CFAP54: variants seen among roughly 807,000 people sequenced by gnomAD.
The protein encoded by CFAP54 is cilia- and flagella-associated protein 54.
In CFAP54, 290 loss-of-function variants were observed where a neutral mutation model predicts 370.4. The observed-to-expected ratio is 0.78, with a 90% CI of 0.71 to 0.86. CFAP54 has a LOEUF of 0.86. Among genes scored for constraint, CFAP54 ranks in the 40% least tolerant of loss-of-function variants. The pLI is 0.00. For missense variants in CFAP54, 3,399 were observed against 3,528.7 expected (o/e 0.96, Z 0.93); for synonymous variants, 1,206 against 1,236.5 (o/e 0.98, Z 0.52).
chr12:96,639,680 A>G (rs936505660), intron 32 of CFAP54, among the ~76,000 whole-genome samples: 8 of 152,342 alleles, frequency 5.3e-5, no homozygotes, highest in Admixed American at 3.9e-4. Context: ...AAAATCCTCA[A>G]TAAAATACTG....
intron 14 of CFAP54, among the ~76,000 whole-genome samples, chr12:96,543,100 T>C (rs1217427839): frequency 6.6e-6 from 1 of 152,216 alleles, no homozygotes; most frequent in Admixed American, 6.5e-5. Context: ...GCAACAGTAC[T>C]TCATAGGTAG....
rs1374148829 is a variant in CFAP54, at chr12:96,846,781, A to G, written c.9172-14038A>G. ...GTGCAGACTGGGTGCCAAGGAGGGAAAGGCACCAGTGACCCCAAAGGTATT... is the reference window on the plus strand; with the variant it reads ...GTGCAGACTGGGTGCCAAGGAGGGAGAGGCACCAGTGACCCCAAAGGTATT... On this transcript the variant is annotated intron_variant, in intron 66 of 67. Coordinates refer to ENST00000524981, the MANE Select transcript of CFAP54 (RefSeq NM_001306084.2). Among the ~76,000 whole-genome samples the G allele has an allele frequency of 2.6e-5, 4 of 152,138 alleles. No homozygotes were observed. The East Asian group carries it at 7.7e-4, about 29-fold the overall frequency.
At chr12:96,847,071 C>T (rs984674364) in intron 66 of CFAP54, among the ~76,000 whole-genome samples, 12 of 152,104 alleles carry the variant, frequency 7.9e-5, no homozygotes, top group African/African-American at 2.9e-4. Flanking sequence ...TAGGAGTTGC[C>T]AGGACCCTCC....
chr12:96,529,188 G>T (rs988351319), intron 9 of CFAP54, among the ~76,000 whole-genome samples: 1 of 152,104 alleles, frequency 6.6e-6, no homozygotes, highest in East Asian at 1.9e-4. Context: ...ACCAGCTTTG[G>T]TAAATAGTCT....
At chr12:96,840,798 C>G (rs1241213261) in intron 66 of CFAP54, among the ~76,000 whole-genome samples, 1 of 152,030 alleles carries the variant, frequency 6.6e-6, no homozygotes, top group African/African-American at 2.4e-5. Context: ...GAAGACAATG[C>G]CAGATGACAT....
chr12:96,771,649 C>T (rs1958463990), intron 60 of CFAP54, among the ~76,000 whole-genome samples: 1 of 151,956 alleles, frequency 6.6e-6, no homozygotes, highest in Non-Finnish European at 1.5e-5. Flanking sequence ...GAGACTCCGC[C>T]TCAAAAACAA....
chr12:96,535,455 T>G, intron 11 of CFAP54, 60 bp from the exon 12 acceptor site: 1 of 1,107,582 alleles, frequency 9.0e-7, no homozygotes, highest in Non-Finnish European at 1.3e-6. Flanking sequence ...CTGTGCCTTT[T>G]CTATTTGAAA....
At position 96,512,301 on chromosome 12, in the gene CFAP54, T is replaced by TTATATATATATATA. The variant is rs1165045194; in HGVS notation, c.740-649_740-636dup. Reference sequence around the variant, plus strand: ...GATAAGGAAACCATGGGAACCAATTTTATATATATATATATATATATATAT... The same window carrying TTATATATATATATA: ...GATAAGGAAACCATGGGAACCAATTTTATATATATATATATATATATATATATATATATATATAT... On this transcript the variant is annotated intron_variant, in intron 4 of 67. Transcript: ENST00000524981. Among the ~76,000 whole-genome samples the TTATATATATATATA allele has an allele frequency of 6.8e-4, 21 of 31,104 alleles. 1 individual carries two copies. The highest frequency in any genetic ancestry group is 4.0e-3 in the East Asian group (3 of 744). 20.4% of individuals were successfully genotyped at this position (31,104 alleles called of 152,430 possible). A position where few individuals can be genotyped will look rare whatever the true frequency, so the allele number is the denominator to read the frequency against.
chr12:96,700,207 T>C, intron 46 of CFAP54, 114 bp downstream of exon 46: 1 of 1,195,516 alleles, frequency 8.4e-7, no homozygotes, highest in South Asian at 1.4e-5. Context: ...TTTAGCCCTC[T>C]TTGTTAAGCC....
At chr12:96,752,086 G>GAGAGAC (rs975205332) in intron 55 of CFAP54, among the ~76,000 whole-genome samples, 3 of 7,522 alleles carry the variant, frequency 4.0e-4, no homozygotes, top group African/African-American at 1.7e-3. Flanking sequence ...CTTCCTGGAT[G>GAGAGAC]AGAGAGAGAG....
At chr12:96,816,543 C>T (rs1005585772) in intron 64 of CFAP54, among the ~76,000 whole-genome samples, 1 of 152,118 alleles carries the variant, frequency 6.6e-6, no homozygotes, top group African/African-American at 2.4e-5. Flanking sequence ...TTGCTGAGAG[C>T]TATCATTAGG....
chr12:96,676,017 C>A (rs7956528), intron 39 of CFAP54, among the ~76,000 whole-genome samples: 134,023 of 151,446 alleles, frequency 0.88, 59,542 homozygotes, highest in East Asian at 0.96. Context: ...CAGCACACCA[C>A]CATGGCACAT....
intron 67 of CFAP54, among the ~76,000 whole-genome samples, chr12:96,866,613 T>G (rs986830678): frequency 4.6e-5 from 7 of 152,130 alleles, no homozygotes; most frequent in African/African-American, 1.7e-4. Flanking sequence ...TTCTAAGAAA[T>G]TCAAAGATTT....
Position 96,555,888 on chromosome 12 carries a change from A to T in CFAP54, c.2410+1086A>T, listed in dbSNP as rs559845211. 3.3e-5 allele frequency among the ~76,000 whole-genome samples: 5 copies of T among 151,998 alleles called. No homozygotes were observed. In the East Asian group the frequency reaches 9.6e-4, roughly 29 times the overall value. ...ATTCCAGTAGGATTTTTTTGGGTAGACCTTTACAATCTTTTTACAAAATGT... is the reference window on the plus strand; with the variant it reads ...ATTCCAGTAGGATTTTTTTGGGTAGTCCTTTACAATCTTTTTACAAAATGT... On this transcript the variant is annotated intron_variant, in intron 17 of 67. Coordinates refer to ENST00000524981, the MANE Select transcript of CFAP54 (RefSeq NM_001306084.2).
chr12:96,874,612 C>CCTTT (rs1960247988), intron 67 of CFAP54, among the ~76,000 whole-genome samples: 5 of 40,058 alleles, frequency 1.2e-4, no homozygotes, highest in African/African-American at 4.8e-4. Context: ...GGGATCTCTG[C>CCTTT]TTTTTTTTAT....
chr12:96,626,751 AC>A, intron 29 of CFAP54, 61 bp from the exon 30 acceptor site: 1 of 987,254 alleles, frequency 1.0e-6, no homozygotes, highest in Non-Finnish European at 1.3e-6. Context: ...AGCACTGGCA[AC>A]CCTTTGGTAC....
intron 40 of CFAP54, among the ~76,000 whole-genome samples, chr12:96,680,134 A>G (rs1025437621): frequency 5.3e-5 from 8 of 152,264 alleles, no homozygotes; most frequent in South Asian, 2.1e-4. Context: ...TTGCCAAAAC[A>G]CTACTTTATC....
chr12:96,536,079 T>A (rs1348487313), intron 12 of CFAP54, among the ~76,000 whole-genome samples: 2 of 152,234 alleles, frequency 1.3e-5, no homozygotes, highest in Non-Finnish European at 2.9e-5. Flanking sequence ...TAAATTAATT[T>A]ATTTGTTTTT....
chr12:96,537,860 G>C (rs1955523802), intron 12 of CFAP54, among the ~76,000 whole-genome samples: 1 of 152,042 alleles, frequency 6.6e-6, no homozygotes, highest in Non-Finnish European at 1.5e-5. Flanking sequence ...TGGCACGGCA[G>C]GTGGATCACT....
Sources: allele counts gnomAD v4.1 joint callset (sites outside exome capture counted in the v4.1 genomes callset), GRCh38; gene constraint gnomAD v4.1.1; transcripts MANE v1.5; gene names NCBI Gene and HGNC (gene_info 2026-07-23, HGNC 2026-07-21).